Variants in DGKI observed in about 807,000 individuals in gnomAD.
DGKI encodes the protein DAG kinase iota.
DGKI carries 55 observed loss-of-function variants against 147.5 expected under a neutral mutation model. That is an observed-to-expected ratio of 0.37 (90% CI 0.30 to 0.47). The LOEUF is 0.47. DGKI is among the 20% of genes least tolerant of loss of function. The probability of loss-of-function intolerance (pLI) is 1.00; values close to 1 mark genes in which losing one functional copy is unlikely to be tolerated. For missense variants in DGKI, 1,007 were observed against 1,323.8 expected (o/e 0.76, Z 3.71); for synonymous variants, 469 against 477.1 (o/e 0.98, Z 0.22).
At chr7:137,452,726 C>G (rs1173572476) in intron 27 of DGKI, 1 of 152,150 alleles carries the variant, frequency 6.6e-6, no homozygotes, top group Non-Finnish European at 1.5e-5. Flanking sequence ...TCTGAATGTT[C>G]TTTCTCTGTC....
intron 1 of DGKI, among the ~76,000 whole-genome samples, chr7:137,714,423 T>A (rs1278202211): frequency 1.3e-5 from 2 of 152,192 alleles, no homozygotes; most frequent in African/African-American, 2.4e-5. Context: ...TTTCTTCTAT[T>A]TCTTTATACC....
intron 12 of DGKI, among the ~76,000 whole-genome samples, chr7:137,597,315 A>T (rs181137599): frequency 6.6e-6 from 1 of 152,150 alleles, no homozygotes; most frequent in African/African-American, 2.4e-5. Flanking sequence ...ATCATTATAC[A>T]TTCTATGCAT....
At chr7:137,542,592 T>C (rs1029108293) in intron 20 of DGKI, among the ~76,000 whole-genome samples, 4 of 151,998 alleles carry the variant, frequency 2.6e-5, no homozygotes, top group South Asian at 2.1e-4. Flanking sequence ...TTGCCAGAGG[T>C]TGGGAGATGG....
intron 1 of DGKI, among the ~76,000 whole-genome samples, chr7:137,817,771 C>T (rs560238994): frequency 6.6e-6 from 1 of 152,194 alleles, no homozygotes; most frequent in Admixed American, 6.5e-5. Context: ...CAAACTGTAT[C>T]TGAGTGAGGC....
intron 1 of DGKI, among the ~76,000 whole-genome samples, chr7:137,812,860 T>C (rs1277533133): frequency 1.3e-5 from 2 of 152,184 alleles, no homozygotes; most frequent in Non-Finnish European, 2.9e-5. Context: ...ATAGTCATAT[T>C]TGAGGCAATA....
At chr7:137,589,673 CATAA>C (rs905395748) in intron 12 of DGKI, among the ~76,000 whole-genome samples, 3 of 152,170 alleles carry the variant, frequency 2.0e-5, no homozygotes, top group African/African-American at 7.2e-5. Context: ...ATAAAAAGGA[CATAA>C]ATACTCAGAA....
At chr7:137,572,228 A>T (rs1051199069) in intron 18 of DGKI, among the ~76,000 whole-genome samples, 22 of 152,208 alleles carry the variant, frequency 1.4e-4, no homozygotes, top group Admixed American at 2.0e-4. Flanking sequence ...TAATATGTTT[A>T]TTTTGAGTCT....
chr7:137,587,159 G>A lies in DGKI; in HGVS notation c.1363C>T (p.Pro455Ser). ...LDELQLSPQP[P>S]VGVLPLGTGN... Reference sequence around the variant, plus strand: ...GTCCCCAGAGGAAGGACCCCCACAGGAGGCTGAGGGCTCAGCTGCAGTTCA... The same window carrying A: ...GTCCCCAGAGGAAGGACCCCCACAGAAGGCTGAGGGCTCAGCTGCAGTTCA... Residue 455 changes from proline (P) to serine (S), a missense_variant, in exon 13 of 33, where the codon CCT becomes TCT. Transcript: ENST00000614521. 6.2e-7 allele frequency: 1 copy of A among 1,613,252 alleles called. No individual in the cohort carries two copies. The highest frequency in any genetic ancestry group is 8.5e-7 in the Non-Finnish European group (1 of 1,179,712).
intron 8 of DGKI, 110 bp downstream of exon 8, chr7:137,619,714 G>A: frequency 1.3e-6 from 1 of 770,626 alleles, no homozygotes; most frequent in Non-Finnish European, 2.2e-6. Flanking sequence ...CCTTGGGGAT[G>A]AGTGAACTGA....
intron 28 of DGKI, among the ~76,000 whole-genome samples, chr7:137,430,220 A>C (rs1813005801): frequency 6.6e-6 from 1 of 151,368 alleles, no homozygotes; most frequent in Non-Finnish European, 1.5e-5. Flanking sequence ...AATACTATGC[A>C]GCCATAAAAA....
At chr7:137,420,793 T>G (rs1812537964) in intron 28 of DGKI, among the ~76,000 whole-genome samples, 1 of 152,090 alleles carries the variant, frequency 6.6e-6, no homozygotes, top group Admixed American at 6.6e-5. Flanking sequence ...CCGAGGCAGG[T>G]GAATCACCTG....
At chr7:137,576,940 G>A (rs559504723) in intron 17 of DGKI, among the ~76,000 whole-genome samples, 7 of 152,166 alleles carry the variant, frequency 4.6e-5, no homozygotes, top group Non-Finnish European at 7.4e-5. Flanking sequence ...TTATACACAC[G>A]GTTGAATAAC....
At chr7:137,588,138 T>C (rs1162571200) in intron 12 of DGKI, among the ~76,000 whole-genome samples, 2 of 152,214 alleles carry the variant, frequency 1.3e-5, no homozygotes, top group Admixed American at 1.3e-4. Context: ...AGTTTTATTC[T>C]CTCATAGGAC....
At chr7:137,661,732 A>G (rs1157866185) in intron 3 of DGKI, among the ~76,000 whole-genome samples, 2 of 152,130 alleles carry the variant, frequency 1.3e-5, no homozygotes, top group Non-Finnish European at 2.9e-5. Flanking sequence ...TTAGACCACA[A>G]AGCCCGGTCC....
intron 1 of DGKI, among the ~76,000 whole-genome samples, chr7:137,833,192 G>A (rs1423054157): frequency 1.3e-5 from 2 of 152,148 alleles, no homozygotes; most frequent in Non-Finnish European, 2.9e-5. Context: ...TATCTTTTCA[G>A]CAGCACCCTA....
intron 28 of DGKI, among the ~76,000 whole-genome samples, chr7:137,430,860 G>A (rs922836008): frequency 3.3e-5 from 5 of 152,104 alleles, no homozygotes; most frequent in Non-Finnish European, 5.9e-5. Context: ...CAGGAATAGC[G>A]GGAAAATGAG....
intron 27 of DGKI, among the ~76,000 whole-genome samples, chr7:137,448,615 A>G (rs1300757339): frequency 3.4e-4 from 3 of 8,894 alleles, no homozygotes; most frequent in African/African-American, 5.9e-4. Context: ...AGGAGGAGGG[A>G]GGGAAGGAAG....
intron 2 of DGKI, among the ~76,000 whole-genome samples, chr7:137,681,356 G>T (rs1055577135): frequency 6.6e-6 from 1 of 152,154 alleles, no homozygotes; most frequent in Non-Finnish European, 1.5e-5. Context: ...ATAGCTATGG[G>T]TTCAGACCCT....
At chr7:137,673,227 A>T (rs1320955436) in intron 3 of DGKI, among the ~76,000 whole-genome samples, 3 of 152,126 alleles carry the variant, frequency 2.0e-5, no homozygotes, top group Non-Finnish European at 2.9e-5. Context: ...AGGCGTCAGG[A>T]CTTCGACATA....
Sources: allele counts gnomAD v4.1 joint callset (sites outside exome capture counted in the v4.1 genomes callset), GRCh38; gene constraint gnomAD v4.1.1; transcripts MANE v1.5; gene names NCBI Gene and HGNC (gene_info 2026-07-23, HGNC 2026-07-21).